VPS50: variants seen among roughly 807,000 people sequenced by gnomAD.
VPS50 encodes the protein syndetin.
VPS50 carries 70 observed loss-of-function variants against 139.7 expected under a neutral mutation model. The observed-to-expected ratio is 0.50, with a 90% CI of 0.41 to 0.61. The LOEUF (loss-of-function observed/expected upper bound fraction) is 0.61. Among genes scored for constraint, VPS50 ranks in the 20% least tolerant of loss-of-function variants. The pLI, the probability that VPS50 is intolerant of heterozygous loss-of-function variation, is 0.00. For missense variants in VPS50, 921 were observed against 1,133.7 expected (o/e 0.81, Z 2.69); for synonymous variants, 365 against 376.7 (o/e 0.97, Z 0.36).
chr7:93,328,637 G>A (rs1797850713), intron 21 of VPS50, among the ~76,000 whole-genome samples: 1 of 152,152 alleles, frequency 6.6e-6, no homozygotes, highest in African/African-American at 2.4e-5. Context: ...GGAGAAAGGG[G>A]AGCTATGAAA....
At position 93,358,561 on chromosome 7, in the gene VPS50, G is replaced by A; in HGVS notation, c.*125G>A. The A allele has an allele frequency of 1.3e-6, 1 of 754,254 alleles. No homozygotes were observed. Among genetic ancestry groups the A allele is most frequent in the South Asian group, 1.8e-5 (1 of 56,720 alleles). 46.7% of individuals were successfully genotyped at this position (754,254 alleles called of 1,614,324 possible). A position where few individuals can be genotyped will look rare whatever the true frequency, so the allele number is the denominator to read the frequency against. ...AAACTTTGTGCATGTTTTTTTGACTGGAAAGTGGAAAATATTGAAATGTGT... is the reference window on the plus strand; with the variant it reads ...AAACTTTGTGCATGTTTTTTTGACTAGAAAGTGGAAAATATTGAAATGTGT... On this transcript the variant is annotated 3_prime_UTR_variant, in exon 28 of 28. Coordinates refer to ENST00000305866, the MANE Select transcript of VPS50 (RefSeq NM_017667.4).
At position 93,356,088 on chromosome 7, in the gene VPS50, C is replaced by G. The variant is rs759059932; in HGVS notation, c.2775+8C>G. 3.0e-6 allele frequency: 4 copies of G among 1,353,470 alleles called. No homozygotes were observed. The highest frequency in any genetic ancestry group is 4.0e-6 in the Non-Finnish European group (4 of 1,011,014). 83.8% of individuals were successfully genotyped at this position (1,353,470 alleles called of 1,614,324 possible). On this transcript the variant is annotated splice_region_variant and intron_variant, in intron 27 of 27. Transcript: ENST00000305866. ...TGGATCAAAGAGCACAGGGTGAGAG[C>G]TGGAAAATAGTTAATTAAGTTTTTA...
chr7:93,248,006 C>T (rs1795206516), intron 2 of VPS50, among the ~76,000 whole-genome samples: 1 of 151,936 alleles, frequency 6.6e-6, no homozygotes, highest in Admixed American at 6.6e-5. Context: ...TGTGTGGCAG[C>T]ACATTTGGTA....
chr7:93,304,648 C>T (rs1414873271), intron 17 of VPS50, among the ~76,000 whole-genome samples: 1 of 151,630 alleles, frequency 6.6e-6, no homozygotes, highest in Non-Finnish European at 1.5e-5. Context: ...AACCATCAGA[C>T]TGTGTGTGTG....
intron 2 of VPS50, among the ~76,000 whole-genome samples, chr7:93,252,399 A>C (rs2116820947): frequency 6.6e-6 from 1 of 152,232 alleles, no homozygotes; most frequent in Non-Finnish European, 1.5e-5. Flanking sequence ...AATTTTTATC[A>C]ACCTTGTTGA....
chr7:93,292,714 G>A (rs1183656349), intron 13 of VPS50, among the ~76,000 whole-genome samples: 1 of 151,910 alleles, frequency 6.6e-6, no homozygotes, highest in Non-Finnish European at 1.5e-5. Context: ...TAAATGTTTT[G>A]GTAGTTTAGA....
intron 10 of VPS50, among the ~76,000 whole-genome samples, chr7:93,271,971 A>G (rs925581695): frequency 5.3e-5 from 8 of 151,772 alleles, no homozygotes; most frequent in Admixed American, 5.3e-4. Flanking sequence ...AATTGTGAGA[A>G]TGACAGTTTA....
chr7:93,259,491 TCAGGGG>T (rs1795599473), intron 8 of VPS50, 53 bp from the exon 9 acceptor site: 4 of 863,736 alleles, frequency 4.6e-6, no homozygotes, highest in Admixed American at 2.1e-5. Flanking sequence ...TTTTTTTTTA[TCAGGGG>T]CTTTAAGAAA....
At chr7:93,310,374 T>G (rs1405798795) in intron 19 of VPS50, among the ~76,000 whole-genome samples, 1 of 152,082 alleles carries the variant, frequency 6.6e-6, no homozygotes, top group Non-Finnish European at 1.5e-5. Context: ...CAAAGTTATC[T>G]CTGTGCCAGA....
intron 19 of VPS50, among the ~76,000 whole-genome samples, chr7:93,309,968 GC>G (rs1375392587): frequency 5.3e-5 from 8 of 151,922 alleles, no homozygotes; most frequent in African/African-American, 1.7e-4. Flanking sequence ...TCAAAAGTGA[GC>G]AATTCACGTA....
intron 9 of VPS50, among the ~76,000 whole-genome samples, chr7:93,264,111 A>C (rs1297691736): frequency 2.6e-5 from 4 of 152,200 alleles, no homozygotes; most frequent in African/African-American, 4.8e-5. Flanking sequence ...TAGACTGAGG[A>C]ATGATTATCA....
chr7:93,258,625 C>T (rs1053013799), intron 8 of VPS50, among the ~76,000 whole-genome samples: 8 of 151,958 alleles, frequency 5.3e-5, no homozygotes, highest in African/African-American at 1.9e-4. Context: ...CTTCTGATAA[C>T]ATTGGAATGT....
chr7:93,239,274 A>C (rs1794909898), intron 1 of VPS50, among the ~76,000 whole-genome samples: 1 of 152,192 alleles, frequency 6.6e-6, no homozygotes, highest in Admixed American at 6.5e-5. Flanking sequence ...TGGTACAAAT[A>C]AAGCTTTCAG....
At chr7:93,272,239 C>T (rs975223963) in intron 10 of VPS50, among the ~76,000 whole-genome samples, 1 of 151,668 alleles carries the variant, frequency 6.6e-6, no homozygotes, top group Non-Finnish European at 1.5e-5. Context: ...AATTCCTTTT[C>T]GTTGATTAGA....
At chr7:93,323,117 T>G (rs1797666714) in intron 20 of VPS50, 1 of 152,208 alleles carries the variant, frequency 6.6e-6, no homozygotes, top group African/African-American at 2.4e-5. Flanking sequence ...GCATGTATCA[T>G]TTTTCTTCTT....
chr7:93,252,945 T>C (rs1378039954), intron 3 of VPS50, among the ~76,000 whole-genome samples, 170 bp downstream of exon 3: 2 of 152,236 alleles, frequency 1.3e-5, no homozygotes, highest in African/African-American at 4.8e-5. Flanking sequence ...GATGAAATTA[T>C]TATTTTTTGA....
At chr7:93,285,843 TGCTGTGA>T (rs1796467646) in intron 12 of VPS50, among the ~76,000 whole-genome samples, 1 of 152,226 alleles carries the variant, frequency 6.6e-6, no homozygotes, top group African/African-American at 2.4e-5. Context: ...ATAGTGGAAA[TGCTGTGA>T]GCTTCTTGCA....
intron 13 of VPS50, among the ~76,000 whole-genome samples, chr7:93,292,943 C>G (rs1796692951): frequency 6.6e-6 from 1 of 152,142 alleles, no homozygotes; most frequent in Non-Finnish European, 1.5e-5. Flanking sequence ...TGTACTACCC[C>G]TGGGACCATG....
intron 12 of VPS50, among the ~76,000 whole-genome samples, chr7:93,289,230 C>G (rs147335935): frequency 3.0e-3 from 449 of 152,202 alleles, no homozygotes; most frequent in Non-Finnish European, 3.5e-3. Context: ...GAATTTGCAT[C>G]TTATTGTAGT....
Sources: gnomAD v4.1 joint callset for allele counts (sites outside exome capture counted in the v4.1 genomes callset) on GRCh38, gnomAD v4.1.1 for gene constraint, MANE v1.5 for transcripts, NCBI Gene and HGNC (gene_info 2026-07-23, HGNC 2026-07-21) for gene names.